The following ELOVL6 variants were observed in gnomAD, a reference collection of about 807,000 sequenced individuals.
The protein encoded by ELOVL6 is very long chain fatty acid elongase 6.
Under a neutral mutation model 31.7 loss-of-function variants are expected in ELOVL6, and 8 were observed. The ratio of observed to expected loss-of-function variants is 0.25; its 90% CI spans 0.15 to 0.45. ELOVL6 has a LOEUF of 0.45. Among genes scored for constraint, ELOVL6 ranks in the 20% least tolerant of loss-of-function variants. The pLI, the probability that ELOVL6 is intolerant of heterozygous loss-of-function variation, is 1.00. For missense variants in ELOVL6, 126 were observed against 326.4 expected (o/e 0.39, Z 4.73); for synonymous variants, 101 against 117.7 (o/e 0.86, Z 0.92).
At chr4:110,159,515 C>T (rs1302197515) in intron 1 of ELOVL6, among the ~76,000 whole-genome samples, 1 of 151,178 alleles carries the variant, frequency 6.6e-6, no homozygotes, top group African/African-American at 2.4e-5. Flanking sequence ...AAAATAAAAG[C>T]CAAGTCTCCT....
chr4:110,065,235 G>A (rs1412661222), intron 2 of ELOVL6, among the ~76,000 whole-genome samples: 2 of 152,164 alleles, frequency 1.3e-5, no homozygotes, highest in African/African-American at 4.8e-5. Flanking sequence ...TAGAAAGCAA[G>A]TTCTTGTTTT....
intron 1 of ELOVL6, among the ~76,000 whole-genome samples, chr4:110,157,772 G>C (rs545958795): frequency 1.3e-5 from 2 of 152,260 alleles, no homozygotes; most frequent in South Asian, 4.1e-4. Flanking sequence ...TATAGTATCT[G>C]CTATGGAAGC....
At chr4:110,136,102 T>G (rs1298123492) in intron 1 of ELOVL6, among the ~76,000 whole-genome samples, 2 of 152,208 alleles carry the variant, frequency 1.3e-5, no homozygotes, top group African/African-American at 2.4e-5. Flanking sequence ...GAGCTGCACT[T>G]GTTAGGATTC....
At position 110,168,718 on chromosome 4, in the gene ELOVL6, GAC is replaced by G. The variant is rs144013945; in HGVS notation, c.89+29527_89+29528del. Among the ~76,000 whole-genome samples the G allele has an allele frequency of 3.5e-3, 529 of 152,234 alleles. 3 individuals are homozygous for G. Among genetic ancestry groups the G allele is most frequent in the Admixed American group, 7.1e-3 (109 of 15,276 alleles). On this transcript the variant is annotated intron_variant, in intron 1 of 3. Coordinates refer to ENST00000302274, the MANE Select transcript of ELOVL6 (RefSeq NM_024090.3). ...CATAAGCCAAAGCAGGAGAGACCCA[GAC>G]TCTGTGGACAGGCAGTGTGGACCTA...
intron 1 of ELOVL6, among the ~76,000 whole-genome samples, chr4:110,115,606 T>C (rs1757148508): frequency 6.6e-6 from 1 of 152,050 alleles, no homozygotes; most frequent in Non-Finnish European, 1.5e-5. Context: ...GAAATAATAA[T>C]AATATGGCAA....
At chr4:110,145,576 A>T (rs557609734) in intron 1 of ELOVL6, among the ~76,000 whole-genome samples, 108 of 152,330 alleles carry the variant, frequency 7.1e-4, no homozygotes, top group Non-Finnish European at 1.2e-3. Context: ...AGAATAGAAC[A>T]GATGTGGGTT....
rs1754725565 is a variant in ELOVL6 at position 110,047,600 on chromosome 4, A to T, written c.*3738T>A. 1 of 152,284 alleles carries T rather than the reference A, an allele frequency of 6.6e-6. No homozygotes were observed. The highest frequency in any genetic ancestry group is 2.4e-5 in the African/African-American group (1 of 41,428). The allele number at this position is 152,284 out of a possible 1,614,324, so 9.4% of individuals were successfully genotyped here. A position where few individuals can be genotyped will look rare whatever the true frequency, so the allele number is the denominator to read the frequency against. On this transcript the variant is annotated 3_prime_UTR_variant, in exon 4 of 4. Transcript: ENST00000302274. ...AAGATGCTACATCTGATTTAAAAAA[A>T]CATTCTGGGCCAGGCACGGTGGCTC...
chr4:110,109,866 C>G (rs942541876), intron 1 of ELOVL6, among the ~76,000 whole-genome samples: 2 of 152,172 alleles, frequency 1.3e-5, no homozygotes, highest in Admixed American at 6.5e-5. Context: ...TGAGCTCCCT[C>G]CTGGCTCTTT....
intron 3 of ELOVL6, among the ~76,000 whole-genome samples, chr4:110,056,582 G>A (rs1314303859): frequency 6.6e-6 from 1 of 151,780 alleles, no homozygotes; most frequent in East Asian, 1.9e-4. Context: ...CTCTATAAAG[G>A]GTTTGAAACT....
chr4:110,098,534 C>T (rs1004175176), intron 2 of ELOVL6, among the ~76,000 whole-genome samples: 3 of 152,094 alleles, frequency 2.0e-5, no homozygotes, highest in African/African-American at 4.8e-5. Context: ...GGAATTGAAG[C>T]CCCCTTTGGA....
Position 110,105,622 on chromosome 4 carries a change from T to C in ELOVL6, c.96A>G (p.Lys32=). 6.2e-7 allele frequency: 1 copy of C among 1,608,212 alleles called. No homozygotes were observed. Among genetic ancestry groups the C allele is most frequent in the Non-Finnish European group, 8.5e-7 (1 of 1,178,012 alleles). The change falls in exon 2 of 4, where the codon AAA becomes AAG. Residue 32 remains lysine, a synonymous_variant. Transcript: ENST00000302274. The part of the protein sequence containing the change: ...AIQWMQENWK[K]SFLFSALYAA... ...CATACAGAGCAGAAAACAGGAAAGATTTCTTCCTGCAAACAAGCAAACAAA... is the reference window on the plus strand; with the variant it reads ...CATACAGAGCAGAAAACAGGAAAGACTTCTTCCTGCAAACAAGCAAACAAA...
At position 110,050,672 on chromosome 4, in the gene ELOVL6, G is replaced by C. The variant is rs901963038; in HGVS notation, c.*666C>G. ...CTTGGGGAAGTATTCACCCCCTTTG[G>C]TTTTGGCAAACTCACTAGCCTGAGG... On this transcript the variant is annotated 3_prime_UTR_variant, in exon 4 of 4. Transcript: ENST00000302274. The C allele has an allele frequency of 2.0e-5, 3 of 152,852 alleles. No individual in the cohort carries two copies. Among genetic ancestry groups the C allele is most frequent in the African/African-American group, 7.2e-5 (3 of 41,430 alleles). The allele number at this position is 152,852 out of a possible 1,614,324, so 9.5% of individuals were successfully genotyped here. A position where few individuals can be genotyped will look rare whatever the true frequency, so the allele number is the denominator to read the frequency against.
chr4:110,198,737 C>CG (rs1304109777), upstream of ELOVL6: 4 of 172,984 alleles, frequency 2.3e-5, no homozygotes, highest in South Asian at 1.5e-4. Flanking sequence ...TCTCTCCGCC[C>CG]GGGGGGGACA....
chr4:110,090,478 T>G (rs1413086867), intron 2 of ELOVL6, among the ~76,000 whole-genome samples: 2 of 152,092 alleles, frequency 1.3e-5, no homozygotes, highest in Non-Finnish European at 2.9e-5. Flanking sequence ...TTGACTGACT[T>G]GAGATGTGAC....
At chr4:110,066,302 T>C (rs962972910) in intron 2 of ELOVL6, among the ~76,000 whole-genome samples, 1 of 151,764 alleles carries the variant, frequency 6.6e-6, no homozygotes, top group Admixed American at 6.6e-5. Flanking sequence ...GCCTCTAGAT[T>C]TGGGGGATGA....
intron 1 of ELOVL6, among the ~76,000 whole-genome samples, chr4:110,107,357 G>C (rs1756917137): frequency 6.6e-6 from 1 of 152,164 alleles, no homozygotes; most frequent in Non-Finnish European, 1.5e-5. Context: ...GAATGAACGT[G>C]GTCTTGTCCT....
At chr4:110,080,221 A>G (rs1755792332) in intron 2 of ELOVL6, among the ~76,000 whole-genome samples, 1 of 152,210 alleles carries the variant, frequency 6.6e-6, no homozygotes. Flanking sequence ...AAGAGAGGGA[A>G]TCCTTCCTAA....
intron 1 of ELOVL6, chr4:110,197,897 G>C (rs548039754): frequency 2.0e-5 from 6 of 301,488 alleles, no homozygotes; most frequent in Non-Finnish European, 3.7e-5. Context: ...GATGAAAACC[G>C]GGGGAGGGGA....
At chr4:110,189,611 A>G (rs1242125710) in intron 1 of ELOVL6, among the ~76,000 whole-genome samples, 1 of 146,474 alleles carries the variant, frequency 6.8e-6, no homozygotes, top group Admixed American at 6.9e-5. Flanking sequence ...AAAAAAAAAA[A>G]AAAGAGAGAG....
Sources: allele counts gnomAD v4.1 joint callset (sites outside exome capture counted in the v4.1 genomes callset), GRCh38; gene constraint gnomAD v4.1.1; transcripts MANE v1.5; gene names NCBI Gene and HGNC (gene_info 2026-07-23, HGNC 2026-07-21).